Variants in PFKL observed in about 807,000 individuals in gnomAD.
PFKL encodes phosphofructokinase, liver type.
A neutral mutation model predicts 92.1 loss-of-function variants in PFKL; 74 were observed. The observed-to-expected ratio is 0.80, with a 90% CI of 0.67 to 0.97. PFKL has a LOEUF of 0.97. Among genes scored for constraint, PFKL ranks in the 50% least tolerant of loss-of-function variants. The pLI is 0.00. For synonymous variants in PFKL, 494 were observed against 456.4 expected, an observed-to-expected ratio of 1.08 and a Z score of -1.05; for missense variants, 1,028 against 1,116.6, an observed-to-expected ratio of 0.92 and a Z score of 1.13.
intron 5 of PFKL, 144 bp from the exon 6 acceptor site, chr21:44,313,494 C>T: frequency 1.3e-6 from 1 of 782,598 alleles, no homozygotes. Flanking sequence ...CCCAAGGTAT[C>T]TTTTAGCTCA....
In PFKL at chr21:44,327,264, G is replaced by T; in HGVS notation, c.*402G>T. ...GGCGCCTAGGTTGTGTTGAGAGGGG[G>T]ATGCCCCTGGCCCTGCCTCACTGTG... On this transcript the variant is annotated 3_prime_UTR_variant, in exon 22 of 22. Transcript: ENST00000349048. The T allele has an allele frequency of 4.2e-6, 1 of 240,580 alleles. No homozygotes were observed. The allele number at this position is 240,580 out of a possible 1,614,324, so 14.9% of individuals were successfully genotyped here.
At chr21:44,318,762 C>T (rs1019813559) in intron 10 of PFKL, among the ~76,000 whole-genome samples, 167 bp downstream of exon 10, 4 of 151,682 alleles carry the variant, frequency 2.6e-5, no homozygotes, top group Non-Finnish European at 1.5e-5. Flanking sequence ...GATGTGAGCA[C>T]ATCCCTGGGT....
At position 44,322,171 on chromosome 21, in the gene PFKL, G is replaced by A. The variant is rs1428586533; in HGVS notation, c.1377G>A (p.Leu459=). Residue 459 remains leucine (L), a synonymous_variant, in exon 14 of 22, where the codon TTG becomes TTA. Transcript: ENST00000349048. ...EVGWHDVAGW[L]GRGGSMLGTK... ...GCTGGCACGACGTGGCCGGCTGGTT[G>A]GGGCGTGGTGGCTCCATGCTGGGGA... 2 of 1,605,046 alleles carry A rather than the reference G, an allele frequency of 1.2e-6. No homozygotes were observed. The highest frequency in any genetic ancestry group is 1.7e-6 in the Non-Finnish European group (2 of 1,178,780).
chr21:44,303,064 C>T (rs1279876669), intron 1 of PFKL, among the ~76,000 whole-genome samples: 1 of 152,046 alleles, frequency 6.6e-6, no homozygotes, highest in Admixed American at 6.6e-5. Context: ...GAAACCTCGT[C>T]TCTACTAAAA....
In PFKL at chr21:44,312,108, G is replaced by T; in HGVS notation, c.241G>T (p.Gly81Cys). Reference protein sequence around the residue: ...LSVSNIIQLGGTIIGSARCKA... With the variant: ...LSVSNIIQLGCTIIGSARCKA... ...GTTTCTGGTCTCCTCTGTGCAGGGC[G>T]GCACTATCATTGGCAGCGCTCGCTG... The change falls in exon 4 of 22, where the codon GGC (glycine) becomes TGC (cysteine). Residue 81 changes from glycine to cysteine, a missense_variant. Gly to Cys is a radical substitution (Grantham distance 159, BLOSUM62 -3). Transcript: ENST00000349048. 2 of 1,544,898 alleles carry T rather than the reference G, an allele frequency of 1.3e-6. No homozygotes were observed. The highest frequency in any genetic ancestry group is 1.7e-6 in the Non-Finnish European group (2 of 1,145,530).
At chr21:44,306,104 A>AGCTTTCCTCAGTGCCCAGAGGTGCTCCC (rs58279167) in intron 1 of PFKL, among the ~76,000 whole-genome samples, 48 of 151,330 alleles carry the variant, frequency 3.2e-4, no homozygotes, top group Non-Finnish European at 6.1e-4. Flanking sequence ...CTCCATCCCC[A>AGCTTTCCTCAGTGCCCAGAGGTGCTCCC]CGCCGCAGCC....
rs1440348740 is a variant in PFKL, at chr21:44,316,490, G to A, written c.902G>A (p.Arg301Gln). 1.1e-5 allele frequency: 17 copies of A among 1,606,208 alleles called. No individual in the cohort carries two copies. The highest frequency in any genetic ancestry group is 1.1e-5 in the Non-Finnish European group (13 of 1,175,200). ...TRVTVLGHVQ[R>Q]GGTPSAFDRI... Reference sequence around the variant, plus strand: ...GTAACTGTGCTGGGCCACGTGCAGCGGGGAGGGACGCCCTCTGCCTTCGAC... The same window carrying A: ...GTAACTGTGCTGGGCCACGTGCAGCAGGGAGGGACGCCCTCTGCCTTCGAC... The change falls in exon 9 of 22, where the codon CGG becomes CAG. Residue 301 changes from arginine to glutamine, a missense_variant. Transcript: ENST00000349048.
chr21:44,309,671 T>C (rs1429321866), intron 2 of PFKL, among the ~76,000 whole-genome samples: 1 of 152,172 alleles, frequency 6.6e-6, no homozygotes, highest in Admixed American at 6.5e-5. Flanking sequence ...AGACCTGTGT[T>C]TGGTGGCCTC....
chr21:44,300,714 G>T (rs991849746), intron 1 of PFKL, among the ~76,000 whole-genome samples: 2 of 150,116 alleles, frequency 1.3e-5, no homozygotes, highest in Non-Finnish European at 2.9e-5. Flanking sequence ...GGAAGAGGGC[G>T]GTGGGGAGAT....
intron 12 of PFKL, chr21:44,320,494 G>C (rs1806206150): frequency 5.4e-6 from 1 of 185,648 alleles, no homozygotes; most frequent in Non-Finnish European, 1.1e-5. Flanking sequence ...GGAAGGCTGA[G>C]GTGGCCAGTT....
At chr21:44,313,316 C>T (rs2047108212) in intron 5 of PFKL, among the ~76,000 whole-genome samples, 173 bp downstream of exon 5, 1 of 152,244 alleles carries the variant, frequency 6.6e-6, no homozygotes, top group Non-Finnish European at 1.5e-5. Context: ...TCCACTCCCA[C>T]TCTGCCAGGC....
Position 44,302,852 on chromosome 21 carries a change from G to A in PFKL, c.85+2662G>A, listed in dbSNP as rs187545151. On this transcript the variant is annotated intron_variant, in intron 1 of 21. Coordinates refer to ENST00000349048, the MANE Select transcript of PFKL (RefSeq NM_002626.6). The stretch of plus-strand genomic sequence containing the variant: ...TGTGGCTCTGGGTCACGCCTTTCCT[G>A]TTGGCCAGGGGTTGGTGCTGTTGAG... Among the ~76,000 whole-genome samples the A allele has an allele frequency of 3.3e-5, 5 of 152,324 alleles. No individual in the cohort carries two copies. The East Asian group carries it at 9.6e-4, about 29-fold the overall frequency.
chr21:44,325,868 G>A, intron 19 of PFKL, 93 bp from the exon 20 acceptor site: 2 of 847,844 alleles, frequency 2.4e-6, no homozygotes, highest in Non-Finnish European at 3.8e-6. Flanking sequence ...AGCTGCCTGG[G>A]AGGCTCCCCG....
intron 1 of PFKL, chr21:44,305,972 G>A (rs558698673): frequency 3.1e-6 from 4 of 1,283,212 alleles, no homozygotes; most frequent in Non-Finnish European, 4.1e-6. Context: ...GGGCAGTGCT[G>A]TTCCCTGGGT....
At chr21:44,304,663 C>T (rs989044959) in intron 1 of PFKL, among the ~76,000 whole-genome samples, 5 of 143,088 alleles carry the variant, frequency 3.5e-5, no homozygotes, top group East Asian at 4.1e-4. Flanking sequence ...TTTTGGTTGT[C>T]GGGTGCTTGG....
At chr21:44,318,861 A>T (rs118006798) in intron 10 of PFKL, among the ~76,000 whole-genome samples, 14 of 152,190 alleles carry the variant, frequency 9.2e-5, no homozygotes, top group Admixed American at 3.3e-4. Flanking sequence ...GTCCACGGCC[A>T]CTGAGCTTCT....
At chr21:44,304,337 A>C (rs747870363) in intron 1 of PFKL, 2 of 1,287,886 alleles carry the variant, frequency 1.6e-6, no homozygotes, top group Non-Finnish European at 2.0e-6. Flanking sequence ...TGACCCGCCC[A>C]GTGGCACATT....
At chr21:44,308,147 G>A (rs976326499) in intron 2 of PFKL, among the ~76,000 whole-genome samples, 3 of 152,162 alleles carry the variant, frequency 2.0e-5, no homozygotes, top group Non-Finnish European at 2.9e-5. Flanking sequence ...GTGGGTGGGC[G>A]CGGGTCCTGG....
Position 44,326,753 on chromosome 21 carries a change from G to A in PFKL, c.2234G>A (p.Arg745Gln), listed in dbSNP as rs745821303. Reference protein sequence around the residue: ...MPREQWWLSLRLMLKMLAQYR... With the variant: ...MPREQWWLSLQLMLKMLAQYR... ...CGGGAGCAGTGGTGGCTGAGCCTGC[G>A]GCTCATGCTGAAGATGCTGGCACAA... is the stretch of plus-strand genomic sequence containing the variant. The change falls in exon 22 of 22, where the codon CGG becomes CAG. Residue 745 changes from arginine to glutamine, a missense_variant. Arg to Gln is a conservative substitution (Grantham distance 43). Coordinates refer to ENST00000349048, the MANE Select transcript of PFKL (RefSeq NM_002626.6). 9.9e-6 allele frequency: 16 copies of A among 1,611,270 alleles called. No homozygotes were observed. The highest frequency in any genetic ancestry group is 1.7e-5 in the Admixed American group (1 of 59,906).
Sources: gnomAD v4.1 joint callset for allele counts (sites outside exome capture counted in the v4.1 genomes callset) on GRCh38, gnomAD v4.1.1 for gene constraint, MANE v1.5 for transcripts, NCBI Gene and HGNC (gene_info 2026-07-23, HGNC 2026-07-21) for gene names.